FAM228B: variants seen among roughly 807,000 people sequenced by gnomAD.
The protein encoded by FAM228B is family with sequence similarity 228 member B.
A neutral mutation model predicts 42.6 loss-of-function variants in FAM228B; 38 were observed. The observed-to-expected ratio is 0.89, with a 90% CI of 0.69 to 1.17. FAM228B has a LOEUF of 1.17. Among genes scored for constraint, FAM228B ranks in the 50% most tolerant of loss-of-function variants. The pLI is 0.00. For synonymous variants in FAM228B, 109 were observed against 122.3 expected, an observed-to-expected ratio of 0.89 and a Z score of 0.72; for missense variants, 344 against 367.3, an observed-to-expected ratio of 0.94 and a Z score of 0.52.
At chr2:24,132,933 G>A (rs1261861101) in intron 2 of FAM228B, among the ~76,000 whole-genome samples, 1 of 152,158 alleles carries the variant, frequency 6.6e-6, no homozygotes, top group Non-Finnish European at 1.5e-5. Flanking sequence ...TGCATATACA[G>A]TTCAAGAGTT....
chr2:24,078,011 G>C (rs564913001), intron 1 of FAM228B, among the ~76,000 whole-genome samples: 7 of 152,160 alleles, frequency 4.6e-5, no homozygotes, highest in Admixed American at 6.5e-5. Flanking sequence ...TTCAGAAAAG[G>C]CTAGCTGACC....
rs1666244734 is a variant in FAM228B, at chr2:24,124,342, C to T, written c.-20C>T. The T allele has an allele frequency of 6.8e-7, 1 of 1,479,436 alleles. No homozygotes were observed. Among genetic ancestry groups the T allele is most frequent in the African/African-American group, 1.4e-5 (1 of 70,612 alleles). 91.6% of individuals were successfully genotyped at this position (1,479,436 alleles called of 1,614,324 possible). ...AGATGATTTTTAGTTTTTCCAGGGG[C>T]ATTGTTATTTGTGACCACAATGAAA... is the stretch of plus-strand genomic sequence containing the variant. On this transcript the variant is annotated 5_prime_UTR_variant, in exon 2 of 11. Coordinates refer to ENST00000615575, the MANE Select transcript of FAM228B (RefSeq NM_001145710.2).
chr2:24,093,365 T>C (rs1665430131), intron 2 of FAM228B, among the ~76,000 whole-genome samples: 1 of 151,784 alleles, frequency 6.6e-6, no homozygotes. Flanking sequence ...CGTGTTCTCA[T>C]TGTTCATCTC....
chr2:24,086,930 C>T (rs1293078330), intron 2 of FAM228B, among the ~76,000 whole-genome samples: 3 of 151,982 alleles, frequency 2.0e-5, no homozygotes, highest in South Asian at 4.1e-4. Flanking sequence ...TTGCAAAAAT[C>T]GACACTAAAA....
In FAM228B at chr2:24,080,976, G is replaced by C; in HGVS notation, c.-210+21G>C. 6.2e-7 allele frequency: 1 copy of C among 1,614,140 alleles called. No homozygotes were observed. The highest frequency in any genetic ancestry group is 8.5e-7 in the Non-Finnish European group (1 of 1,180,030). On this transcript the variant is annotated intron_variant, in intron 2 of 10. Coordinates refer to the FAM228B transcript ENST00000613899. The surrounding 1 kb of genome is among the most constrained non-coding windows in gnomAD (Gnocchi z 4.7). ...TCCGGGTGAGTTGGATAGCAGCTGT[G>C]CCCACACCACTCAGTCCTGCATGGA... is the stretch of plus-strand genomic sequence containing the variant.
chr2:24,122,701 C>A, upstream of FAM228B: 1 of 524,186 alleles, frequency 1.9e-6, no homozygotes, highest in Non-Finnish European at 3.4e-6. Context: ...TCATTCAGGG[C>A]CCACCAGTAC....
At position 24,091,065 on chromosome 2, in the gene FAM228B, T is replaced by A. The variant is rs190628503; in HGVS notation, c.-209-4076T>A. Among the ~76,000 whole-genome samples, 550 of 151,190 alleles carry A rather than the reference T, an allele frequency of 3.6e-3. 1 individual carries two copies. The highest frequency in any genetic ancestry group is 6.8e-3 in the Middle Eastern group (2 of 294). ...GGAAGTTTTAGTCAATACAATAAGA[T>A]AAAAAACGAGGTAATTGATAATAAA... On this transcript the variant is annotated intron_variant, in intron 2 of 10. Coordinates refer to the FAM228B transcript ENST00000613899.
At chr2:24,106,782 T>C (rs577898105) in intron 3 of FAM228B, among the ~76,000 whole-genome samples, 5 of 151,298 alleles carry the variant, frequency 3.3e-5, no homozygotes, top group African/African-American at 9.7e-5. Context: ...CTGAGAGGAG[T>C]AGCAAATATG....
intron 8 of FAM228B, among the ~76,000 whole-genome samples, chr2:24,163,609 A>T (rs1237147895): frequency 6.6e-6 from 1 of 152,204 alleles, no homozygotes; most frequent in African/African-American, 2.4e-5. Flanking sequence ...CAGAGTCTCA[A>T]ATAGACCTGT....
upstream of FAM228B, chr2:24,122,332 A>C (rs1234167120): frequency 9.4e-7 from 1 of 1,064,690 alleles, no homozygotes; most frequent in Non-Finnish European, 1.4e-6. Context: ...GTCTCAAAAA[A>C]AAAAAAAAGT....
intron 3 of FAM228B, among the ~76,000 whole-genome samples, chr2:24,116,852 G>C (rs1050518362): frequency 1.3e-5 from 2 of 150,970 alleles, no homozygotes; most frequent in Non-Finnish European, 2.9e-5. Flanking sequence ...ACTTTAGCCT[G>C]GCTGATAGAA....
intron 3 of FAM228B, among the ~76,000 whole-genome samples, chr2:24,105,517 A>T (rs1231979694): frequency 2.0e-5 from 3 of 152,356 alleles, no homozygotes; most frequent in African/African-American, 7.2e-5. Flanking sequence ...AATGAGACAG[A>T]ACTAGCACAA....
At chr2:24,151,859 T>G (rs11125456) in intron 7 of FAM228B, among the ~76,000 whole-genome samples, 1 of 151,630 alleles carries the variant, frequency 6.6e-6, no homozygotes, top group Non-Finnish European at 1.5e-5. Flanking sequence ...AATTTTTGTA[T>G]TTTTATTTTT....
intron 5 of FAM228B, among the ~76,000 whole-genome samples, chr2:24,145,461 T>A (rs535967523): frequency 1.3e-5 from 2 of 152,024 alleles, no homozygotes; most frequent in Non-Finnish European, 2.9e-5. Flanking sequence ...CATAGACACG[T>A]CTCCAGGAAA....
chr2:24,158,004 T>A (rs756525113), intron 7 of FAM228B, among the ~76,000 whole-genome samples: 6 of 152,070 alleles, frequency 3.9e-5, no homozygotes, highest in Admixed American at 3.9e-4. Flanking sequence ...TGGCATGTCA[T>A]GTTACTGCCC....
chr2:24,126,974 T>A (rs1246431323), intron 2 of FAM228B, among the ~76,000 whole-genome samples: 4 of 152,184 alleles, frequency 2.6e-5, no homozygotes, highest in Non-Finnish European at 2.9e-5. Context: ...TATTTTTTTT[T>A]AAATTCAGAA....
At chr2:24,164,520 GGCCCCCTGGTGGAGTCACACGATGAGGGT>G (rs879282865) in intron 9 of FAM228B, among the ~76,000 whole-genome samples, 185 bp downstream of exon 9, 116 of 151,090 alleles carry the variant, frequency 7.7e-4, no homozygotes, top group East Asian at 2.4e-3. Flanking sequence ...GGGCTGCCCT[GGCCCCCTGGTGGAGTCACACGATGAGGGT>G]GCCCCCTGGT....
At chr2:24,110,469 T>C (rs139571184) in intron 3 of FAM228B, among the ~76,000 whole-genome samples, 2 of 152,160 alleles carry the variant, frequency 1.3e-5, no homozygotes, top group East Asian at 3.9e-4. Flanking sequence ...TGAGTGGGGA[T>C]TGAGTTCAAT....
At chr2:24,132,377 G>A (rs1318725736) in intron 2 of FAM228B, among the ~76,000 whole-genome samples, 1 of 144,740 alleles carries the variant, frequency 6.9e-6, no homozygotes. Context: ...CTTTTCAATT[G>A]TTTGAAATAG....
Sources: allele counts gnomAD v4.1 joint callset (sites outside exome capture counted in the v4.1 genomes callset), GRCh38; gene constraint gnomAD v4.1.1; non-coding constraint Gnocchi (gnomAD v3.1); transcripts MANE v1.5; gene names NCBI Gene and HGNC (gene_info 2026-07-23, HGNC 2026-07-21).